CAPN12: variants seen among roughly 807,000 people sequenced by gnomAD.
The protein encoded by CAPN12 is calpain 12.
CAPN12 carries 107 observed loss-of-function variants against 95.0 expected under a neutral mutation model. The observed-to-expected ratio is 1.13, with a 90% confidence interval of 0.96 to 1.32. The LOEUF (loss-of-function observed/expected upper bound fraction) is 1.32. Ranked by LOEUF, CAPN12 falls within the 40% of genes most tolerant of loss-of-function variation. CAPN12 has a pLI of 0.00. For synonymous variants in CAPN12, 505 were observed against 415.5 expected, an observed-to-expected ratio of 1.22 and a Z score of -2.62; for missense variants, 1,136 against 997.8, an observed-to-expected ratio of 1.14 and a Z score of -1.87.
intron 14 of CAPN12, 65 bp downstream of exon 14, chr19:38,735,305 G>A (rs1490251438): frequency 1.4e-6 from 2 of 1,465,544 alleles, no homozygotes; most frequent in African/African-American, 1.4e-5. Context: ...GCTGGGGTGG[G>A]GGAAGGGGGG....
Position 38,737,397 on chromosome 19 carries a change from G to A in CAPN12, c.1130-9C>T. ...ATTGGTCCAGAAGGTTTCTAAGGGA[G>A]GAGGAAAAAAGGGGGTTTCCTAGCC... On this transcript the variant is annotated splice_polypyrimidine_tract_variant and intron_variant, in intron 9 of 20. Transcript: ENST00000328867. The A allele has an allele frequency of 6.2e-7, 1 of 1,608,884 alleles. No homozygotes were observed. The highest frequency in any genetic ancestry group is 8.5e-7 in the Non-Finnish European group (1 of 1,178,196).
intron 5 of CAPN12, 158 bp from the exon 6 acceptor site, chr19:38,738,806 G>A (rs74258656): frequency 1.1e-4 from 72 of 646,050 alleles, no homozygotes; most frequent in African/African-American, 2.0e-4. Context: ...GACTGAAGGC[G>A]AAAGAGAAAA....
Position 38,744,446 on chromosome 19 carries a change from G to T in CAPN12, c.-281C>A, listed in dbSNP as rs1271440660. 2 of 516,076 alleles carry T rather than the reference G, an allele frequency of 3.9e-6. No individual in the cohort carries two copies. Among genetic ancestry groups the T allele is most frequent in the Admixed American group, 3.2e-5 (1 of 31,246 alleles). 32.0% of individuals were successfully genotyped at this position (516,076 alleles called of 1,614,324 possible). On this transcript the variant is annotated 5_prime_UTR_variant, in exon 1 of 21. Transcript: ENST00000328867. Reference sequence around the variant, plus strand: ...CAGAGCTGAGGGAGGACCGGCTGCCGCTGTCAGAGCACCAAGAAGGAGGTC... The same window carrying T: ...CAGAGCTGAGGGAGGACCGGCTGCCTCTGTCAGAGCACCAAGAAGGAGGTC...
At position 38,737,572 on chromosome 19, in the gene CAPN12, C is replaced by T; in HGVS notation, c.1032G>A (p.Val344=). ...TVQICSLSPE[V]LGPSPEGGGW... ...CGCCCCCCTCCGGGCTGGGGCCCAG[C>T]ACCTCCGGGCTCAGCGAGCAGATCT... Residue 344 remains valine, a synonymous_variant, in exon 9 of 21, where the codon GTG becomes GTA. Coordinates refer to ENST00000328867, the MANE Select transcript of CAPN12 (RefSeq NM_144691.4). 2 of 1,612,270 alleles carry T rather than the reference C, an allele frequency of 1.2e-6. No homozygotes were observed. Among genetic ancestry groups the T allele is most frequent in the South Asian group, 1.1e-5 (1 of 91,014 alleles).
intron 18 of CAPN12, among the ~76,000 whole-genome samples, chr19:38,732,151 T>G (rs1314582880): frequency 6.6e-6 from 1 of 152,216 alleles, no homozygotes; most frequent in African/African-American, 2.4e-5. Context: ...ACTCCTGGCA[T>G]GTAACAGGCA....
rs959158047 is a variant in CAPN12, at chr19:38,736,448, C to T, written c.1374+104G>A. Reference sequence around the variant, plus strand: ...CCCCTGCCCCCGGACCCGGCTCTGCCCCCCCACCCCCAGGGCAGTTTGACC... The same window carrying T: ...CCCCTGCCCCCGGACCCGGCTCTGCTCCCCCACCCCCAGGGCAGTTTGACC... On this transcript the variant is annotated intron_variant, in intron 11 of 20. Coordinates refer to ENST00000328867, the MANE Select transcript of CAPN12 (RefSeq NM_144691.4). The T allele has an allele frequency of 2.0e-5, 30 of 1,503,630 alleles. 1 individual carries two copies. The highest frequency in any genetic ancestry group is 1.5e-5 in the African/African-American group (1 of 67,348). 93.1% of individuals were successfully genotyped at this position (1,503,630 alleles called of 1,614,324 possible).
intron 1 of CAPN12, among the ~76,000 whole-genome samples, chr19:38,743,708 C>T (rs1214774141): frequency 1.1e-4 from 16 of 144,936 alleles, no homozygotes; most frequent in Non-Finnish European, 2.2e-4. Flanking sequence ...CCAGCCCCTC[C>T]TCCCTCAGAC....
Position 38,744,158 on chromosome 19 carries a change from G to A in CAPN12, c.8C>T (p.Ser3Phe). The A allele has an allele frequency of 6.2e-7, 1 of 1,613,854 alleles. No individual in the cohort carries two copies. Among genetic ancestry groups the A allele is most frequent in the Non-Finnish European group, 8.5e-7 (1 of 1,180,020 alleles). MA[S>F]SSGRVTIQLV... ...CTGGATGGTGACCCTCCCACTGCTG[G>A]ATGCCATCTGGACACTGGCCTCACA... Residue 3 changes from serine (S) to phenylalanine (F), a missense_variant, in exon 1 of 21, where the codon TCC (serine) becomes TTC (phenylalanine). Ser to Phe is a radical substitution (Grantham distance 155). Coordinates refer to ENST00000328867, the MANE Select transcript of CAPN12 (RefSeq NM_144691.4).
At chr19:38,740,909 G>T (rs371252299) in intron 4 of CAPN12, among the ~76,000 whole-genome samples, 15 of 152,156 alleles carry the variant, frequency 9.9e-5, no homozygotes, top group African/African-American at 3.6e-4. Flanking sequence ...TCGGTTTGGT[G>T]GGGGGCATGG....
chr19:38,732,190 G>GCCTGCCA (rs1197813346), intron 18 of CAPN12, among the ~76,000 whole-genome samples: 6 of 152,214 alleles, frequency 3.9e-5, no homozygotes, highest in African/African-American at 9.6e-5. Context: ...GTGAACACAA[G>GCCTGCCA]CCTGCCACCT....
intron 1 of CAPN12, 51 bp downstream of exon 1, chr19:38,743,878 C>G: frequency 6.4e-7 from 1 of 1,571,930 alleles, no homozygotes; most frequent in South Asian, 1.1e-5. Context: ...GTCCATGCCT[C>G]CAGCCCCTCC....
At chr19:38,738,185 G>A (rs967493116) in intron 8 of CAPN12, 88 bp downstream of exon 8, 1 of 1,359,314 alleles carries the variant, frequency 7.4e-7, no homozygotes, top group Non-Finnish European at 1.0e-6. Context: ...CTCCCTATTA[G>A]GACCCATCCT....
At chr19:38,738,148 C>T in intron 8 of CAPN12, 125 bp downstream of exon 8, 1 of 963,688 alleles carries the variant, frequency 1.0e-6, no homozygotes. Context: ...AACCTGGCCC[C>T]AAAATTACCA....
chr19:38,736,726 G>A (rs1203233332), intron 10 of CAPN12, 163 bp from the exon 11 acceptor site: 4 of 844,432 alleles, frequency 4.7e-6, no homozygotes, highest in South Asian at 1.9e-5. Context: ...GGCCCTCGCC[G>A]ACCCCTCCCC....
chr19:38,740,361 C>T (rs1046822458), intron 4 of CAPN12, 142 bp from the exon 5 acceptor site: 5 of 921,656 alleles, frequency 5.4e-6, no homozygotes, highest in Non-Finnish European at 3.2e-6. Context: ...TTTCCAGGGT[C>T]ACCCTGTGGC....
At chr19:38,740,553 G>A (rs1016221379) in intron 4 of CAPN12, among the ~76,000 whole-genome samples, 10 of 152,146 alleles carry the variant, frequency 6.6e-5, no homozygotes, top group South Asian at 2.1e-4. Context: ...TAATCCCAGC[G>A]CTTTGGGAAG....
At position 38,743,025 on chromosome 19, in the gene CAPN12, G is replaced by T; in HGVS notation, c.307+8C>A. ...ATCTGAGGACTCCAGGTGGGTTCAG[G>T]GTCTCACCCAGGCTCCCCTGACACA... On this transcript the variant is annotated splice_region_variant and intron_variant, in intron 2 of 20. Coordinates refer to ENST00000328867, the MANE Select transcript of CAPN12 (RefSeq NM_144691.4). 1 of 1,613,874 alleles carries T rather than the reference G, an allele frequency of 6.2e-7. No homozygotes were observed. Among genetic ancestry groups the T allele is most frequent in the Non-Finnish European group, 8.5e-7 (1 of 1,179,912 alleles).
chr19:38,733,583 G>C, intron 18 of CAPN12, 120 bp downstream of exon 18: 1 of 863,262 alleles, frequency 1.2e-6, no homozygotes. Flanking sequence ...AACAAGCTAA[G>C]GTGTGGGCCT....
chr19:38,737,493 C>T lies in CAPN12; in HGVS notation c.1111G>A (p.Gly371Arg), dbSNP rs573010215. 1.5e-4 allele frequency: 237 copies of T among 1,612,736 alleles called. No homozygotes were observed. The highest frequency in any genetic ancestry group is 1.1e-3 in the South Asian group (98 of 91,084). ...GRWVRGFNSG[G>R]SQPNAETFWT... ...GCCTCACCAGCATTAGGCTGGCTCCCGCCGGAGTTGAAGCCACGCACCCAG... is the reference window on the plus strand; with the variant it reads ...GCCTCACCAGCATTAGGCTGGCTCCTGCCGGAGTTGAAGCCACGCACCCAG... Residue 371 changes from glycine (G) to arginine (R), a missense_variant, in exon 9 of 21, where the codon GGG becomes AGG. By Grantham distance (125) the Gly-to-Arg change is moderately radical. Coordinates refer to ENST00000328867, the MANE Select transcript of CAPN12 (RefSeq NM_144691.4).
Sources: allele counts gnomAD v4.1 joint callset (sites outside exome capture counted in the v4.1 genomes callset), GRCh38; gene constraint gnomAD v4.1.1; transcripts MANE v1.5; gene names NCBI Gene and HGNC (gene_info 2026-07-23, HGNC 2026-07-21).